Variants in RFX8 observed in about 807,000 individuals in gnomAD.
RFX8 encodes the protein DNA-binding protein RFX8.
A neutral mutation model predicts 54.6 loss-of-function variants in RFX8; 46 were observed. That is an observed-to-expected ratio of 0.84 (90% CI 0.67 to 1.08). The LOEUF (loss-of-function observed/expected upper bound fraction) is 1.08. Ranked by LOEUF, RFX8 falls within the 50% of genes least tolerant of loss-of-function variation. The probability of loss-of-function intolerance (pLI) is 0.00; values close to 1 mark genes in which losing one functional copy is unlikely to be tolerated. For synonymous variants in RFX8, 192 were observed against 209.5 expected (o/e 0.92, Z 0.72); for missense variants, 536 against 562.3 (o/e 0.95, Z 0.47).
intron 2 of RFX8, among the ~76,000 whole-genome samples, chr2:101,454,130 G>A (rs1164476151): frequency 6.9e-6 from 1 of 145,440 alleles, no homozygotes; most frequent in Non-Finnish European, 1.5e-5. Flanking sequence ...TCCCACCTAT[G>A]AGTGAGAACA....
At chr2:101,399,081 TCTGA>T (rs1382819216) in intron 11 of RFX8, among the ~76,000 whole-genome samples, 1 of 152,242 alleles carries the variant, frequency 6.6e-6, no homozygotes, top group Non-Finnish European at 1.5e-5. Flanking sequence ...CGCCTTGGCA[TCTGA>T]CTATTTTGAA....
rs1400011333 is a variant in RFX8, at chr2:101,475,046, C to A, written c.-463G>T. Among the ~76,000 whole-genome samples, 1 of 152,158 alleles carries A rather than the reference C, an allele frequency of 6.6e-6. No homozygotes were observed. Among genetic ancestry groups the A allele is most frequent in the African/African-American group, 2.4e-5 (1 of 41,434 alleles). ...CCTGCCAGTCCTTGCTCTCAAGAGC[C>A]ATTTATGTCAGTGTCATTGCTGTGT... On this transcript the variant is annotated 5_prime_UTR_variant, in exon 1 of 12. It removes an upstream start codon present in the reference 5' UTR. Coordinates refer to ENST00000428343, the MANE Select transcript of RFX8 (RefSeq NM_001145664.2).
In RFX8 at chr2:101,422,479, A is replaced by T; in HGVS notation, c.73-7T>A. Reference sequence around the variant, plus strand: ...TCGGTGAATGATCTTCACACTAAAAATCATTTGTGCAATGGATTATGTCTT... The same window carrying T: ...TCGGTGAATGATCTTCACACTAAAATTCATTTGTGCAATGGATTATGTCTT... On this transcript the variant is annotated splice_region_variant and splice_polypyrimidine_tract_variant and intron_variant, in intron 2 of 11. Coordinates refer to ENST00000428343, the MANE Select transcript of RFX8 (RefSeq NM_001145664.2). 1 of 1,490,264 alleles carries T rather than the reference A, an allele frequency of 6.7e-7. No individual in the cohort carries two copies. The highest frequency in any genetic ancestry group is 1.4e-5 in the African/African-American group (1 of 72,014). The allele number at this position is 1,490,264 out of a possible 1,614,324, so 92.3% of individuals were successfully genotyped here.
intron 1 of RFX8, among the ~76,000 whole-genome samples, chr2:101,469,032 GTATATATATGTA>G (rs1558896268): frequency 3.0e-3 from 67 of 22,464 alleles, no homozygotes; most frequent in African/African-American, 8.1e-3. Context: ...ATATATATAC[GTATATATATGTA>G]TATATATATA....
chr2:101,442,562 C>T (rs1014675121), intron 2 of RFX8, among the ~76,000 whole-genome samples: 2 of 151,650 alleles, frequency 1.3e-5, no homozygotes, highest in African/African-American at 4.8e-5. Flanking sequence ...TGTGCCACTT[C>T]CTTCTGGCTT....
intron 2 of RFX8, among the ~76,000 whole-genome samples, chr2:101,459,536 C>CTGG (rs1689156694): frequency 1.3e-5 from 2 of 152,142 alleles, no homozygotes; most frequent in African/African-American, 4.8e-5. Context: ...CAGGGTATCA[C>CTGG]CAGCAGAGGC....
intron 8 of RFX8, 150 bp from the exon 9 acceptor site, chr2:101,410,863 G>T (rs1364824311): frequency 1.7e-6 from 1 of 585,410 alleles, no homozygotes; most frequent in South Asian, 2.3e-5. Context: ...GAACACAGAG[G>T]ATGTCCTGAG....
chr2:101,442,045 T>C (rs1228932401), intron 2 of RFX8, among the ~76,000 whole-genome samples: 1 of 152,204 alleles, frequency 6.6e-6, no homozygotes, highest in East Asian at 1.9e-4. Flanking sequence ...GATTTAATTG[T>C]AGTATTTTTG....
At chr2:101,438,811 A>C (rs1241672222) in intron 2 of RFX8, among the ~76,000 whole-genome samples, 1 of 151,808 alleles carries the variant, frequency 6.6e-6, no homozygotes, top group Non-Finnish European at 1.5e-5. Flanking sequence ...TTTATGTTTT[A>C]TTTATTTCTT....
At chr2:101,402,308 T>C (rs1685478578) in intron 11 of RFX8, 128 bp downstream of exon 11, 1 of 847,674 alleles carries the variant, frequency 1.2e-6, no homozygotes. Flanking sequence ...CAAAATCACC[T>C]AGGGTAAAGA....
intron 9 of RFX8, among the ~76,000 whole-genome samples, chr2:101,407,004 G>A (rs567814507): frequency 2.4e-4 from 37 of 152,284 alleles, no homozygotes; most frequent in Non-Finnish European, 2.5e-4. Context: ...TACCCAGACA[G>A]AGAGCAGCCT....
chr2:101,439,534 G>A (rs924052660), intron 2 of RFX8, among the ~76,000 whole-genome samples: 3 of 148,918 alleles, frequency 2.0e-5, no homozygotes, highest in Admixed American at 6.7e-5. Flanking sequence ...TCCATTTTGA[G>A]TTAATTTTCA....
rs185610148 is a variant in RFX8, at chr2:101,446,463, C to T, written c.72+20314G>A. Among the ~76,000 whole-genome samples the T allele has an allele frequency of 3.4e-3, 516 of 151,438 alleles. 2 individuals are homozygous for T. The highest frequency in any genetic ancestry group is 5.5e-3 in the Non-Finnish European group (373 of 67,874). On this transcript the variant is annotated intron_variant, in intron 2 of 11. Coordinates refer to ENST00000428343, the MANE Select transcript of RFX8 (RefSeq NM_001145664.2). Reference sequence around the variant, plus strand: ...TGCTGGGATTACAGGCCTGAGCCACCGCTCCCAGCCAAGTTGATCAATTAT... The same window carrying T: ...TGCTGGGATTACAGGCCTGAGCCACTGCTCCCAGCCAAGTTGATCAATTAT...
intron 2 of RFX8, among the ~76,000 whole-genome samples, chr2:101,445,724 C>T (rs1216751247): frequency 6.6e-6 from 1 of 152,130 alleles, no homozygotes; most frequent in African/African-American, 2.4e-5. Flanking sequence ...GCCACTATGC[C>T]TGGTCTATTG....
At chr2:101,414,585 T>C (rs1686380138) in intron 7 of RFX8, among the ~76,000 whole-genome samples, 1 of 152,128 alleles carries the variant, frequency 6.6e-6, no homozygotes. Flanking sequence ...ATCGGGCATC[T>C]TTTAAGTGTT....
chr2:101,412,855 A>G lies in RFX8; in HGVS notation c.718+60T>C, dbSNP rs1686222166. 4.8e-6 allele frequency: 7 copies of G among 1,473,674 alleles called. No individual in the cohort carries two copies. The Middle Eastern group carries it at 5.2e-4, about 110-fold the overall frequency. The allele number at this position is 1,473,674 out of a possible 1,614,324, so 91.3% of individuals were successfully genotyped here. A position where few individuals can be genotyped will look rare whatever the true frequency, so the allele number is the denominator to read the frequency against. ...AGAAATTCATGAGTTAACGATGGCC[A>G]TGCTAGCCCCAAATCTATGCCCAAC... On this transcript the variant is annotated intron_variant, in intron 8 of 11. Coordinates refer to ENST00000428343, the MANE Select transcript of RFX8 (RefSeq NM_001145664.2).
rs1194497343 is a variant in RFX8, at chr2:101,418,851, C to T, written c.351G>A (p.Lys117=). 1.9e-6 allele frequency: 3 copies of T among 1,541,004 alleles called. No individual in the cohort carries two copies. Among genetic ancestry groups the T allele is most frequent in the Non-Finnish European group, 2.6e-6 (3 of 1,137,126 alleles). ...LFKCYDVQLY[K]GIEDVLLHDF... is the part of the protein sequence containing the mutation. ...TCTAGAGACTCACGCGTCCTCCTAC[C>T]TTGTACAGCTGGACGTCGTAGCATT... The change falls in exon 5 of 12, where the codon AAG becomes AAA. Residue 117 remains lysine (K), a splice_region_variant and synonymous_variant. Transcript: ENST00000428343.
At chr2:101,421,008 T>C (rs1041517814) in intron 4 of RFX8, among the ~76,000 whole-genome samples, 1 of 152,210 alleles carries the variant, frequency 6.6e-6, no homozygotes, top group African/African-American at 2.4e-5. Context: ...AGACATCCAG[T>C]GTGGATGGAT....
intron 2 of RFX8, among the ~76,000 whole-genome samples, chr2:101,437,278 A>G (rs1398803468): frequency 6.6e-6 from 1 of 152,094 alleles, no homozygotes; most frequent in Middle Eastern, 3.2e-3. Flanking sequence ...TCTTACAAAA[A>G]AAATAAAAAT....
Sources: allele counts gnomAD v4.1 joint callset (sites outside exome capture counted in the v4.1 genomes callset), GRCh38; gene constraint gnomAD v4.1.1; transcripts MANE v1.5; gene names NCBI Gene and HGNC (gene_info 2026-07-23, HGNC 2026-07-21).